The following KRT86 variants were observed in gnomAD, a reference collection of about 807,000 sequenced individuals.
KRT86 encodes the protein keratin 86.
A neutral mutation model predicts 41.2 loss-of-function variants in KRT86; 30 were observed. The ratio of observed to expected loss-of-function variants is 0.73; its 90% CI spans 0.54 to 0.99. The LOEUF (loss-of-function observed/expected upper bound fraction) is 0.99, where lower values mean the gene tolerates loss of function less well. Among genes scored for constraint, KRT86 ranks in the 50% least tolerant of loss-of-function variants. KRT86 has a pLI of 0.00. For missense variants in KRT86, 561 were observed against 571.4 expected (o/e 0.98, Z 0.19); for synonymous variants, 238 against 238.1 (o/e 1.00, Z 0.00).
At chr12:52,291,581 G>C (rs1938127590) in intron 2 of KRT86, 1 of 1,481,172 alleles carries the variant, frequency 6.8e-7, no homozygotes, top group East Asian at 2.4e-5. Context: ...ATTCTGAAGG[G>C]GCTTGGCTGT....
rs772636597 is a variant in KRT86 at position 52,305,731 on chromosome 12, C to T, written c.969C>T (p.Asn323=). The T allele has an allele frequency of 6.6e-5, 106 of 1,613,942 alleles. No homozygotes were observed. The highest frequency in any genetic ancestry group is 2.0e-4 in the African/African-American group (15 of 74,928). The stretch of plus-strand genomic sequence containing the variant: ...TGCGCCGCACCAAGGAGGAGATCAA[C>T]GAGCTGAACCGCATGATCCAGAGGC... The part of the protein sequence containing the change: ...ETLRRTKEEI[N]ELNRMIQRLT... The change falls in exon 8 of 11, where the codon AAC becomes AAT. Residue 323 remains asparagine, a synonymous_variant. Coordinates refer to ENST00000423955, the MANE Select transcript of KRT86 (RefSeq NM_001320198.2).
chr12:52,305,570 C>A, intron 7 of KRT86, 93 bp from the exon 8 acceptor site: 2 of 1,607,158 alleles, frequency 1.2e-6, no homozygotes, highest in Admixed American at 3.4e-5. Context: ...GTTGCACAGG[C>A]TGAGCACTGC....
chr12:52,287,496 G>A, intron 2 of KRT86: 3 of 1,607,188 alleles, frequency 1.9e-6, no homozygotes, highest in South Asian at 1.1e-5. Context: ...GGACAAAGGG[G>A]GTGGAGAATG....
intron 2 of KRT86, chr12:52,287,664 C>T (rs1191388953): frequency 8.1e-6 from 13 of 1,613,828 alleles, no homozygotes; most frequent in Non-Finnish European, 1.1e-5. Flanking sequence ...TTGATCTCCT[C>T]CTTGGTGCGG....
intron 2 of KRT86, among the ~76,000 whole-genome samples, chr12:52,298,174 T>C (rs17655565): frequency 0.13 from 19,519 of 152,220 alleles, 1,321 homozygotes; most frequent in African/African-American, 0.17. Context: ...GAAGAGATTC[T>C]CTTTGGACCT....
chr12:52,299,265 G>T (rs762423737), intron 2 of KRT86, among the ~76,000 whole-genome samples: 1 of 152,258 alleles, frequency 6.6e-6, no homozygotes, highest in African/African-American at 2.4e-5. Flanking sequence ...CCATGTTGTT[G>T]CAAATGACAG....
At chr12:52,301,173 G>A (rs1938364427) in intron 2 of KRT86, among the ~76,000 whole-genome samples, 1 of 151,830 alleles carries the variant, frequency 6.6e-6, no homozygotes, top group Non-Finnish European at 1.5e-5. Context: ...GAGAGGGGGG[G>A]TTGTGAGTAG....
At chr12:52,278,220 A>G (rs1387066843) in intron 2 of KRT86, among the ~76,000 whole-genome samples, 3 of 151,918 alleles carry the variant, frequency 2.0e-5, no homozygotes, top group African/African-American at 7.3e-5. Flanking sequence ...TATTGCATTG[A>G]TCACCTCCTT....
chr12:52,305,475 C>T lies in KRT86; in HGVS notation c.900+71C>T. 4 of 1,612,336 alleles carry T rather than the reference C, an allele frequency of 2.5e-6. 1 individual carries two copies. The South Asian group carries it at 3.3e-5, about 13-fold the overall frequency. On this transcript the variant is annotated intron_variant, in intron 7 of 10. Transcript: ENST00000423955. Reference sequence around the variant, plus strand: ...GATTTGAGATTATCTATTAAATAGGCTTCCTTTTCTGGGGATGCACTAGGG... The same window carrying T: ...GATTTGAGATTATCTATTAAATAGGTTTCCTTTTCTGGGGATGCACTAGGG...
intron 2 of KRT86, among the ~76,000 whole-genome samples, chr12:52,278,635 G>A (rs1175708658): frequency 6.6e-6 from 1 of 152,132 alleles, no homozygotes; most frequent in East Asian, 1.9e-4. Flanking sequence ...GGACTCACCT[G>A]CTTCCTTCTT....
chr12:52,305,886 A>C, intron 8 of KRT86, 98 bp downstream of exon 8: 5 of 1,606,538 alleles, frequency 3.1e-6, no homozygotes, highest in Middle Eastern at 1.8e-4. Flanking sequence ...TTCATTCTCC[A>C]GCCCCTCTGT....
intron 2 of KRT86, among the ~76,000 whole-genome samples, chr12:52,276,830 T>A (rs1399842628): frequency 1.3e-5 from 2 of 152,140 alleles, no homozygotes; most frequent in Non-Finnish European, 2.9e-5. Context: ...CCCCGCTGGC[T>A]CAAGTCTCAC....
At chr12:52,296,382 T>C (rs1401986279) in intron 2 of KRT86, among the ~76,000 whole-genome samples, 2 of 152,034 alleles carry the variant, frequency 1.3e-5, no homozygotes, top group Admixed American at 1.3e-4. Context: ...AGGGAAAGTG[T>C]GTGTAGGCCC....
Position 52,306,179 on chromosome 12 carries a change from G to A in KRT86, c.1146G>A (p.Met382Ile). ...CCCTGCAGAAGGCCAAGCAGGACAT[G>A]GCCTGCCTGATCAGGGAGTACCAGG... ...EGALQKAKQD[M>I]ACLIREYQEV... Residue 382 changes from methionine (M) to isoleucine (I), a missense_variant, in exon 9 of 11, where the codon ATG (methionine) becomes ATA (isoleucine). Met to Ile is a conservative substitution (Grantham distance 10, BLOSUM62 1). Transcript: ENST00000423955. 1 of 1,613,864 alleles carries A rather than the reference G, an allele frequency of 6.2e-7. No homozygotes were observed. The highest frequency in any genetic ancestry group is 8.5e-7 in the Non-Finnish European group (1 of 1,180,034).
chr12:52,292,074 G>T (rs957604247), intron 2 of KRT86, among the ~76,000 whole-genome samples: 7 of 152,164 alleles, frequency 4.6e-5, no homozygotes, highest in African/African-American at 1.7e-4. Flanking sequence ...TTCCTACCAT[G>T]GGAACAGTCA....
chr12:52,277,470 T>G (rs4761853), intron 2 of KRT86: 48,009 of 152,104 alleles, frequency 0.32, 7,862 homozygotes, highest in Middle Eastern at 0.42. Flanking sequence ...TGAGGGCCAA[T>G]AATGTCCTTC....
At position 52,305,042 on chromosome 12, in the gene KRT86, G is replaced by A; in HGVS notation, c.735+15G>A. 1.2e-6 allele frequency: 2 copies of A among 1,613,598 alleles called. No individual in the cohort carries two copies. The highest frequency in any genetic ancestry group is 1.7e-6 in the Non-Finnish European group (2 of 1,179,890). ...TGTATGAGGAGGTGCGGGCTCAGGG[G>A]CCAGGCAGAGACCTGGCAGCCAGCA... On this transcript the variant is annotated intron_variant, in intron 6 of 10. Transcript: ENST00000423955.
intron 2 of KRT86, among the ~76,000 whole-genome samples, chr12:52,293,526 A>T (rs1938184292): frequency 6.6e-6 from 1 of 152,136 alleles, no homozygotes; most frequent in Non-Finnish European, 1.5e-5. Flanking sequence ...AGACGGGCAG[A>T]GTCAGAGTGG....
At chr12:52,305,589 C>T in intron 7 of KRT86, 74 bp from the exon 8 acceptor site, 3 of 1,612,732 alleles carry the variant, frequency 1.9e-6, no homozygotes, top group Admixed American at 1.7e-5. Flanking sequence ...GCACAACCTG[C>T]AAAATCATCT....
Sources: allele counts gnomAD v4.1 joint callset (sites outside exome capture counted in the v4.1 genomes callset), GRCh38; gene constraint gnomAD v4.1.1; transcripts MANE v1.5; gene names NCBI Gene and HGNC (gene_info 2026-07-23, HGNC 2026-07-21).